The following SULF2 variants were observed in gnomAD, a reference collection of about 807,000 sequenced individuals.
The protein encoded by SULF2 is sulfatase 2.
In SULF2, 52 loss-of-function variants were observed where a neutral mutation model predicts 107.7. That is an observed-to-expected ratio of 0.48 (90% CI 0.39 to 0.61). The LOEUF (loss-of-function observed/expected upper bound fraction) is 0.61, where lower values mean the gene tolerates loss of function less well. Ranked by LOEUF, SULF2 falls within the 20% of genes least tolerant of loss-of-function variation. The pLI is 0.00. For missense variants in SULF2, 993 were observed against 1,177.3 expected, an observed-to-expected ratio of 0.84 and a Z score of 2.29; for synonymous variants, 460 against 464.3, an observed-to-expected ratio of 0.99 and a Z score of 0.12.
chr20:47,769,222 A>T (rs13039819), intron 1 of SULF2, among the ~76,000 whole-genome samples: 7,254 of 152,116 alleles, frequency 0.048, 219 homozygotes, highest in Admixed American at 0.084. Flanking sequence ...TTGTATTTTT[A>T]GTAGAGACGG....
Position 47,753,366 on chromosome 20 carries a change from A to G in SULF2, c.175+3823T>C, listed in dbSNP as rs139613446. Among the ~76,000 whole-genome samples the G allele has an allele frequency of 6.9e-3, 1,054 of 152,306 alleles. 10 individuals carry two copies. Among genetic ancestry groups the G allele is most frequent in the Middle Eastern group, 0.017 (5 of 294 alleles). Reference sequence around the variant, plus strand: ...GGGACCCCCACATCAAAAGCTTGAGAAAGTTCTTCTCTTTTCTAGTCTCTA... The same window carrying G: ...GGGACCCCCACATCAAAAGCTTGAGGAAGTTCTTCTCTTTTCTAGTCTCTA... On this transcript the variant is annotated intron_variant, in intron 2 of 20. Transcript: ENST00000688720.
In SULF2 at chr20:47,756,345, C is replaced by T. The variant is rs181362849; in HGVS notation, c.175+844G>A. On this transcript the variant is annotated intron_variant, in intron 2 of 20. Coordinates refer to ENST00000688720, the MANE Select transcript of SULF2 (RefSeq NM_001387048.1). Reference sequence around the variant, plus strand: ...CTGGGCTCTGATTGCTTCCTGGCTACAAATTCTTTCTGCACTGAGAAGCTC... The same window carrying T: ...CTGGGCTCTGATTGCTTCCTGGCTATAAATTCTTTCTGCACTGAGAAGCTC... Among the ~76,000 whole-genome samples the T allele has an allele frequency of 3.6e-4, 55 of 152,286 alleles. 1 individual carries two copies. Among genetic ancestry groups the T allele is most frequent in the Admixed American group, 3.1e-3 (48 of 15,296 alleles).
intron 1 of SULF2, among the ~76,000 whole-genome samples, chr20:47,766,506 T>C (rs943592472): frequency 1.3e-5 from 2 of 152,186 alleles, no homozygotes; most frequent in Non-Finnish European, 2.9e-5. Context: ...ATAAAGATTG[T>C]AGGGCAAAAA....
chr20:47,781,002 C>T (rs78843792), intron 1 of SULF2, among the ~76,000 whole-genome samples: 1 of 152,250 alleles, frequency 6.6e-6, no homozygotes, highest in Admixed American at 6.5e-5. Context: ...CCAGGACCCT[C>T]CCTAGAAGTT....
chr20:47,665,999 G>A, intron 12 of SULF2, 46 bp from the exon 13 acceptor site: 1 of 1,604,210 alleles, frequency 6.2e-7, no homozygotes, highest in South Asian at 1.1e-5. Context: ...TGGTGGAGGG[G>A]GAGCAGCCCA....
Position 47,677,102 on chromosome 20 carries a change from C to T in SULF2, c.1226G>A (p.Arg409Gln), listed in dbSNP as rs949521977. ...FHLKKKMRVW[R>Q]DSFLVERGKL... Reference sequence around the variant, plus strand: ...CCCTCTCTCCACCAAGAAGGAGTCCCGCCAGACCCTCATCTTCTTTTTCAA... The same window carrying T: ...CCCTCTCTCCACCAAGAAGGAGTCCTGCCAGACCCTCATCTTCTTTTTCAA... Residue 409 changes from arginine to glutamine, a missense_variant, in exon 9 of 21, where the codon CGG (arginine) becomes CAG (glutamine). Arg to Gln is a conservative substitution (Grantham distance 43). Around this residue, in one of 3 missense-constraint regions of SULF2, gnomAD observed 108 missense variants for 183.9 expected, o/e 0.59. Transcript: ENST00000688720. The T allele has an allele frequency of 1.4e-5, 23 of 1,613,686 alleles. No homozygotes were observed. The highest frequency in any genetic ancestry group is 2.7e-5 in the African/African-American group (2 of 74,884).
chr20:47,689,314 G>A (rs1468716440), intron 5 of SULF2, among the ~76,000 whole-genome samples: 1 of 152,222 alleles, frequency 6.6e-6, no homozygotes, highest in Non-Finnish European at 1.5e-5. Context: ...GCACAGTGAT[G>A]GTGCCACTTC....
intron 2 of SULF2, among the ~76,000 whole-genome samples, chr20:47,746,675 G>A (rs1331215887): frequency 2.6e-5 from 4 of 152,172 alleles, no homozygotes; most frequent in African/African-American, 9.7e-5. Flanking sequence ...ATGAGTTCAT[G>A]TCCTTTGTAG....
At position 47,674,294 on chromosome 20, in the gene SULF2, C is replaced by T. The variant is rs549011952; in HGVS notation, c.1381-1901G>A. Reference sequence around the variant, plus strand: ...GAGCCCCACAGGGCTGGGCCAGTGTCGGCTTGACTTGGGGTCCCTACAGCT... The same window carrying T: ...GAGCCCCACAGGGCTGGGCCAGTGTTGGCTTGACTTGGGGTCCCTACAGCT... On this transcript the variant is annotated intron_variant, in intron 10 of 20. Transcript: ENST00000688720. Among the ~76,000 whole-genome samples, 8 of 152,306 alleles carry T rather than the reference C, an allele frequency of 5.3e-5. No individual in the cohort carries two copies. In the East Asian group the frequency reaches 7.7e-4, roughly 15 times the overall value.
Position 47,676,514 on chromosome 20 carries a change from C to A in SULF2, c.1360G>T (p.Ala454Ser), listed in dbSNP as rs575026299. The change falls in exon 10 of 21, where the codon GCG (alanine) becomes TCG (serine). Residue 454 changes from alanine to serine, a missense_variant. By Grantham distance (99) the Ala-to-Ser change is moderately conservative. This residue lies in a region of SULF2 where 497 missense variants were observed against 544.1 expected (regional missense o/e 0.91). Coordinates refer to ENST00000688720, the MANE Select transcript of SULF2 (RefSeq NM_001387048.1). ...CTTACCTGTCCCAGCTGCTCACACG[C>A]CGTCTGGTACTCAGCACGCTGACAC... is the stretch of plus-strand genomic sequence containing the variant. ...DLCQRAEYQT[A>S]CEQLGQKWQC... 3.1e-6 allele frequency: 5 copies of A among 1,606,568 alleles called. No homozygotes were observed. In the Admixed American group the frequency reaches 8.4e-5, roughly 27 times the overall value.
Position 47,690,246 on chromosome 20 carries a change from G to C in SULF2, c.617C>G (p.Thr206Arg), listed in dbSNP as rs114533959. The C allele has an allele frequency of 6.4e-7, 1 of 1,568,420 alleles. No individual in the cohort carries two copies. The highest frequency in any genetic ancestry group is 1.2e-5 in the South Asian group (1 of 85,190). Residue 206 changes from threonine (T) to arginine (R), a missense_variant, in exon 5 of 21, where the codon ACG (threonine) becomes AGG (arginine). By Grantham distance (71) the Thr-to-Arg change is moderately conservative. Coordinates refer to ENST00000688720, the MANE Select transcript of SULF2 (RefSeq NM_001387048.1). ...CCTGTGCGGGTACATCTTCTTGGAC[G>C]TGCGGAAGAAGCTCACGCTGTCATT... ...ITNDSVSFFR[T>R]SKKMYPHRPV...
chr20:47,764,955 C>T (rs1245925572), intron 1 of SULF2, among the ~76,000 whole-genome samples: 1 of 152,146 alleles, frequency 6.6e-6, no homozygotes, highest in Non-Finnish European at 1.5e-5. Context: ...AGATAAGGCA[C>T]GGACAGGTTC....
At chr20:47,716,251 T>TA (rs1267678625) in intron 3 of SULF2, among the ~76,000 whole-genome samples, 7 of 152,198 alleles carry the variant, frequency 4.6e-5, no homozygotes, top group African/African-American at 1.4e-4. Flanking sequence ...AGCATACATT[T>TA]AAAAAATGAT....
chr20:47,743,204 G>A lies in SULF2; in HGVS notation c.176-6262C>T, dbSNP rs186594997. 1.8e-3 allele frequency among the ~76,000 whole-genome samples: 276 copies of A among 152,214 alleles called. 2 individuals carry two copies. Among genetic ancestry groups the A allele is most frequent in the African/African-American group, 5.6e-3 (233 of 41,548 alleles). On this transcript the variant is annotated intron_variant, in intron 2 of 20. Transcript: ENST00000688720. ...ATGGGGCAGGGAGAAAAATAAAGGCGGAGTCAGTAAACACAGGACCTTGAC... is the reference window on the plus strand; with the variant it reads ...ATGGGGCAGGGAGAAAAATAAAGGCAGAGTCAGTAAACACAGGACCTTGAC...
chr20:47,785,660 C>T (rs1391261482), upstream of SULF2, among the ~76,000 whole-genome samples: 2 of 146,752 alleles, frequency 1.4e-5, no homozygotes, highest in Admixed American at 1.4e-4. Context: ...CAGCCAGCCC[C>T]TTGGCACGGC....
chr20:47,723,003 G>T (rs896110127), intron 3 of SULF2, among the ~76,000 whole-genome samples: 2 of 152,178 alleles, frequency 1.3e-5, no homozygotes, highest in African/African-American at 4.8e-5. Context: ...GGAGGTGGAG[G>T]CTGCAGTGAA....
chr20:47,704,798 G>T (rs1334099877), intron 3 of SULF2, among the ~76,000 whole-genome samples: 1 of 152,232 alleles, frequency 6.6e-6, no homozygotes, highest in East Asian at 1.9e-4. Flanking sequence ...GCTGGGCCTT[G>T]TGCACGTGAG....
chr20:47,737,755 G>GTTTTTTTTTTTTTTTTTTTTT (rs11484375), intron 2 of SULF2, among the ~76,000 whole-genome samples: 2 of 61,834 alleles, frequency 3.2e-5, no homozygotes, highest in African/African-American at 1.3e-4. Flanking sequence ...TCTTTTCTTT[G>GTTTTTTTTTTTTTTTTTTTTT]TTTTTTTTTT....
chr20:47,697,428 T>G (rs2088417945), intron 4 of SULF2, among the ~76,000 whole-genome samples: 1 of 152,170 alleles, frequency 6.6e-6, no homozygotes, highest in Non-Finnish European at 1.5e-5. Flanking sequence ...AGGCCAGCAG[T>G]GACATTCTGC....
Sources: allele counts gnomAD v4.1 joint callset (sites outside exome capture counted in the v4.1 genomes callset), GRCh38; gene constraint gnomAD v4.1.1; regional missense constraint gnomAD v4.1.1; transcripts MANE v1.5; gene names NCBI Gene and HGNC (gene_info 2026-07-23, HGNC 2026-07-21).